ELK3: variants seen among roughly 807,000 people sequenced by gnomAD.
ELK3 encodes the protein ETS domain-containing protein Elk-3.
ELK3 carries 10 observed loss-of-function variants against 28.9 expected under a neutral mutation model. The observed-to-expected ratio is 0.35, with a 90% confidence interval of 0.21 to 0.59. ELK3 has a LOEUF of 0.59. ELK3 is among the 20% of genes least tolerant of loss of function. The pLI is 0.82. For missense variants in ELK3, 463 were observed against 517.3 expected (o/e 0.90, Z 1.02); for synonymous variants, 272 against 243.5 (o/e 1.12, Z -1.09).
At chr12:96,217,589 A>T (rs1451147134) in intron 1 of ELK3, among the ~76,000 whole-genome samples, 2 of 152,148 alleles carry the variant, frequency 1.3e-5, no homozygotes, top group South Asian at 2.1e-4. Context: ...GTTCATTTTG[A>T]TATCTGTATG....
rs1038485458 is a variant in ELK3 at position 96,250,254 on chromosome 12, T to G, written c.1002+2520T>G. On this transcript the variant is annotated intron_variant, in intron 3 of 4. Transcript: ENST00000228741. ...ATTCCCAGAGTGTGGGCTCTGCTCC[T>G]GGCATGGCCATGGGTGGCCAACAGG... is the stretch of plus-strand genomic sequence containing the variant. 8.5e-5 allele frequency among the ~76,000 whole-genome samples: 13 copies of G among 152,274 alleles called. No homozygotes were observed. In the East Asian group the frequency reaches 2.1e-3, roughly 25 times the overall value.
chr12:96,257,269 G>A (rs1213499178), intron 3 of ELK3, among the ~76,000 whole-genome samples: 1 of 152,180 alleles, frequency 6.6e-6, no homozygotes, highest in Non-Finnish European at 1.5e-5. Flanking sequence ...GGTTCTTTAA[G>A]GCCACAGGAT....
At chr12:96,223,499 T>C (rs1951677364) in intron 1 of ELK3, 66 bp from the exon 2 acceptor site, 4 of 1,544,784 alleles carry the variant, frequency 2.6e-6, no homozygotes, top group Non-Finnish European at 2.7e-6. Flanking sequence ...TGAAGCCCCC[T>C]CTCTCCTCGC....
intron 1 of ELK3, among the ~76,000 whole-genome samples, chr12:96,203,402 A>T (rs1484907639): frequency 6.6e-6 from 1 of 152,220 alleles, no homozygotes; most frequent in Non-Finnish European, 1.5e-5. Context: ...CGGTGCCATC[A>T]GTCTGTGAGC....
intron 2 of ELK3, among the ~76,000 whole-genome samples, chr12:96,246,156 T>C (rs183474960): frequency 3.9e-5 from 6 of 152,380 alleles, no homozygotes; most frequent in Admixed American, 1.3e-4. Context: ...TTCTTCTGAC[T>C]CGCAGAGGTA....
chr12:96,236,279 C>T (rs1418773709), intron 2 of ELK3, among the ~76,000 whole-genome samples: 2 of 152,200 alleles, frequency 1.3e-5, no homozygotes, highest in Non-Finnish European at 2.9e-5. Flanking sequence ...CTGCGAACGT[C>T]CAGTCGAATC....
intron 2 of ELK3, among the ~76,000 whole-genome samples, chr12:96,242,984 T>TCTCTG (rs1211304366): frequency 6.6e-6 from 1 of 152,168 alleles, no homozygotes; most frequent in Non-Finnish European, 1.5e-5. Context: ...CTTGGTGTCC[T>TCTCTG]CTCTGCTCCC....
chr12:96,225,716 C>T (rs543526737), intron 2 of ELK3, among the ~76,000 whole-genome samples: 1 of 152,328 alleles, frequency 6.6e-6, no homozygotes, highest in African/African-American at 2.4e-5. Context: ...AGGTTCCCAG[C>T]CAAAAGGCAC....
chr12:96,263,583 A>G (rs1952008848), intron 4 of ELK3, among the ~76,000 whole-genome samples: 1 of 152,232 alleles, frequency 6.6e-6, no homozygotes, highest in South Asian at 2.1e-4. Flanking sequence ...GGGACAGAGA[A>G]TATGTGAATA....
At chr12:96,260,325 C>A (rs1951983790) in intron 4 of ELK3, among the ~76,000 whole-genome samples, 1 of 152,082 alleles carries the variant, frequency 6.6e-6, no homozygotes, top group South Asian at 2.1e-4. Flanking sequence ...TAAAAGTCCA[C>A]AAAAGACTTT....
In ELK3 at chr12:96,268,065, C is replaced by CTGAT. The variant is rs1555197086; in HGVS notation, c.*886_*889dup. On this transcript the variant is annotated 3_prime_UTR_variant, in exon 5 of 5. Transcript: ENST00000228741. ...GTTTTCCATAGGGAATCCCGACCAT[C>CTGAT]TGATATATTTACTGTGTCAGTATAA... The CTGAT allele has an allele frequency of 1.3e-5, 2 of 152,196 alleles. No individual in the cohort carries two copies. The highest frequency in any genetic ancestry group is 2.9e-5 in the Non-Finnish European group (2 of 68,036). 9.4% of individuals were successfully genotyped at this position (152,196 alleles called of 1,614,324 possible). A position where few individuals can be genotyped will look rare whatever the true frequency, so the allele number is the denominator to read the frequency against.
chr12:96,230,013 C>T (rs1043809719), intron 2 of ELK3, among the ~76,000 whole-genome samples: 1 of 152,188 alleles, frequency 6.6e-6, no homozygotes, highest in Non-Finnish European at 1.5e-5. Flanking sequence ...TGTAACACCT[C>T]CATATACAGT....
chr12:96,243,774 C>T (rs1377783924), intron 2 of ELK3, among the ~76,000 whole-genome samples: 8 of 148,680 alleles, frequency 5.4e-5, no homozygotes, highest in South Asian at 2.2e-4. Context: ...ATCAGGGAGG[C>T]GGAGCTTGCA....
intron 3 of ELK3, among the ~76,000 whole-genome samples, chr12:96,254,652 G>A (rs1951933676): frequency 6.6e-6 from 1 of 151,914 alleles, no homozygotes; most frequent in Non-Finnish European, 1.5e-5. Flanking sequence ...CTACAAACGT[G>A]GATAAAATAG....
At chr12:96,206,391 A>G (rs1276844125) in intron 1 of ELK3, among the ~76,000 whole-genome samples, 1 of 151,542 alleles carries the variant, frequency 6.6e-6, no homozygotes, top group Non-Finnish European at 1.5e-5. Flanking sequence ...ATCTCGGCTC[A>G]CCACAACTTC....
chr12:96,244,808 C>A (rs1177102535), intron 2 of ELK3, among the ~76,000 whole-genome samples: 7 of 152,142 alleles, frequency 4.6e-5, no homozygotes, highest in African/African-American at 1.7e-4. Flanking sequence ...TAATTTATTT[C>A]CTGCTGGGAG....
At chr12:96,199,049 C>CT (rs1269807073) in intron 1 of ELK3, among the ~76,000 whole-genome samples, 3 of 152,124 alleles carry the variant, frequency 2.0e-5, no homozygotes, top group African/African-American at 7.2e-5. Context: ...TCTTGAAAGA[C>CT]TGAGTTCCTA....
chr12:96,263,894 A>C (rs1345178075), intron 4 of ELK3, among the ~76,000 whole-genome samples: 1 of 152,166 alleles, frequency 6.6e-6, no homozygotes, highest in East Asian at 1.9e-4. Context: ...GGAGGATGAG[A>C]TCTCTGTTTT....
At chr12:96,227,620 C>T (rs1455198298) in intron 2 of ELK3, among the ~76,000 whole-genome samples, 1 of 152,252 alleles carries the variant, frequency 6.6e-6, no homozygotes, top group Non-Finnish European at 1.5e-5. Flanking sequence ...CAGAAAGGCC[C>T]CGGAGGAGGG....
Sources: gnomAD v4.1 joint callset for allele counts (sites outside exome capture counted in the v4.1 genomes callset) on GRCh38, gnomAD v4.1.1 for gene constraint, MANE v1.5 for transcripts, NCBI Gene and HGNC (gene_info 2026-07-23, HGNC 2026-07-21) for gene names.